The following ATP1B3 variants were observed in gnomAD, a reference collection of about 807,000 sequenced individuals.
ATP1B3 encodes the protein sodium/potassium-transporting ATPase subunit beta-3.
ATP1B3 carries 10 observed loss-of-function variants against 30.2 expected under a neutral mutation model. That is an observed-to-expected ratio of 0.33 (90% CI 0.20 to 0.56). The LOEUF (loss-of-function observed/expected upper bound fraction) is 0.56. Ranked by LOEUF, ATP1B3 falls within the 20% of genes least tolerant of loss-of-function variation. The pLI is 0.90. For missense variants in ATP1B3, 238 were observed against 336.7 expected (o/e 0.71, Z 2.29); for synonymous variants, 113 against 117.0 (o/e 0.97, Z 0.22).
chr3:141,910,748 G>C (rs181702284), intron 3 of ATP1B3, among the ~76,000 whole-genome samples: 4 of 150,870 alleles, frequency 2.7e-5, no homozygotes. Flanking sequence ...TCTTTAGTTG[G>C]ACCCACTGTT....
At chr3:141,922,285 C>A in intron 6 of ATP1B3, 1 of 365,538 alleles carries the variant, frequency 2.7e-6, no homozygotes. Flanking sequence ...ATGATTATTT[C>A]TAAAATATCA....
At position 141,925,807 on chromosome 3, in the gene ATP1B3, T is replaced by A; in HGVS notation, c.*106T>A. On this transcript the variant is annotated 3_prime_UTR_variant, in exon 7 of 7. Transcript: ENST00000286371. ...TATGAGACCACCTTGGAGAAAGGTG[T>A]GTGGTACATGACATTGGGTTACATC... 7.4e-7 allele frequency: 1 copy of A among 1,354,446 alleles called. No homozygotes were observed. Among genetic ancestry groups the A allele is most frequent in the Non-Finnish European group, 1.0e-6 (1 of 980,240 alleles). 83.9% of individuals were successfully genotyped at this position (1,354,446 alleles called of 1,614,324 possible).
intron 1 of ATP1B3, among the ~76,000 whole-genome samples, chr3:141,889,132 T>C (rs1445935170): frequency 2.0e-5 from 3 of 152,044 alleles, no homozygotes; most frequent in Non-Finnish European, 4.4e-5. Context: ...TCATGAGAAC[T>C]CATTATCACA....
intron 1 of ATP1B3, among the ~76,000 whole-genome samples, chr3:141,897,383 T>C (rs1030064022): frequency 1.3e-5 from 2 of 152,218 alleles, no homozygotes; most frequent in Admixed American, 6.5e-5. Context: ...TGAACTCTTG[T>C]AGAGAAGCAG....
intron 5 of ATP1B3, among the ~76,000 whole-genome samples, chr3:141,917,100 G>A (rs913819204): frequency 3.4e-5 from 5 of 148,518 alleles, no homozygotes; most frequent in East Asian, 2.0e-4. Flanking sequence ...TGATCTGCCC[G>A]CCTCGGCCTC....
At chr3:141,883,360 A>G (rs923488685) in intron 1 of ATP1B3, among the ~76,000 whole-genome samples, 7 of 152,094 alleles carry the variant, frequency 4.6e-5, no homozygotes, top group African/African-American at 1.7e-4. Flanking sequence ...GTGGTGGCGT[A>G]GTGAATTTTT....
chr3:141,911,834 G>A (rs1934366895), intron 3 of ATP1B3, among the ~76,000 whole-genome samples: 2 of 152,026 alleles, frequency 1.3e-5, no homozygotes, highest in African/African-American at 2.4e-5. Flanking sequence ...AGATGCATAG[G>A]GCTCCTTGGT....
At chr3:141,920,766 T>C (rs978105243) in intron 5 of ATP1B3, among the ~76,000 whole-genome samples, 12 of 152,174 alleles carry the variant, frequency 7.9e-5, no homozygotes, top group Admixed American at 4.6e-4. Flanking sequence ...AGAGTACAAA[T>C]GTAGGGTGGA....
At chr3:141,882,320 C>T (rs1933743026) in intron 1 of ATP1B3, among the ~76,000 whole-genome samples, 1 of 152,166 alleles carries the variant, frequency 6.6e-6, no homozygotes, top group African/African-American at 2.4e-5. Context: ...CTTAATATAA[C>T]CACTATTAAC....
At position 141,917,121 on chromosome 3, in the gene ATP1B3, G is replaced by A. The variant is rs549534187; in HGVS notation, c.582+1101G>A. ...GCCCGCCTCGGCCTCTCAAAGTGCT[G>A]GGATTACAGGCATGAGTCACCGCGC... On this transcript the variant is annotated intron_variant, in intron 5 of 6. Transcript: ENST00000286371. Among the ~76,000 whole-genome samples, 780 of 151,088 alleles carry A rather than the reference G, an allele frequency of 5.2e-3. 5 individuals are homozygous for A. Among genetic ancestry groups the A allele is most frequent in the African/African-American group, 0.018 (737 of 41,172 alleles).
chr3:141,904,369 G>A (rs1025066329), intron 2 of ATP1B3, among the ~76,000 whole-genome samples: 1 of 151,676 alleles, frequency 6.6e-6, no homozygotes, highest in Admixed American at 6.6e-5. Context: ...CACGTTTGAA[G>A]AATATAGTTA....
Position 141,876,686 on chromosome 3 carries a change from G to T in ATP1B3, c.-116G>T, listed in dbSNP as rs1933595265. ...CCGTAACGAGGAGGTGTTCTCGGCC[G>T]TCCCACCCTTCACTGCCGTCTCCGG... On this transcript the variant is annotated 5_prime_UTR_variant, in exon 1 of 7. Coordinates refer to ENST00000286371, the MANE Select transcript of ATP1B3 (RefSeq NM_001679.4). The T allele has an allele frequency of 1.4e-6, 1 of 705,904 alleles. No individual in the cohort carries two copies. Among genetic ancestry groups the T allele is most frequent in the Non-Finnish European group, 2.3e-6 (1 of 427,836 alleles). The allele number at this position is 705,904 out of a possible 1,614,324, so 43.7% of individuals were successfully genotyped here.
intron 1 of ATP1B3, among the ~76,000 whole-genome samples, chr3:141,891,337 A>G (rs564143928): frequency 9.2e-5 from 14 of 152,346 alleles, no homozygotes; most frequent in African/African-American, 3.4e-4. Context: ...CCATTAAGGT[A>G]ACTTACAGAG....
chr3:141,924,942 G>A (rs1474498719), intron 6 of ATP1B3, among the ~76,000 whole-genome samples: 2 of 151,558 alleles, frequency 1.3e-5, no homozygotes, highest in Non-Finnish European at 2.9e-5. Flanking sequence ...AACAGAGCAA[G>A]ACTCTGCCTC....
chr3:141,915,273 G>T (rs1016842291), intron 4 of ATP1B3, among the ~76,000 whole-genome samples: 1 of 152,250 alleles, frequency 6.6e-6, no homozygotes, highest in African/African-American at 2.4e-5. Flanking sequence ...AGCTTACGTA[G>T]TGTAGCAGGA....
At chr3:141,901,444 TAA>T (rs1934162153) in intron 1 of ATP1B3, among the ~76,000 whole-genome samples, 1 of 152,224 alleles carries the variant, frequency 6.6e-6, no homozygotes. Flanking sequence ...CTGACTAGTT[TAA>T]GTTTTTAAAA....
chr3:141,916,557 AAAT>A, intron 5 of ATP1B3: 1 of 1,288,160 alleles, frequency 7.8e-7, no homozygotes, highest in Non-Finnish European at 1.0e-6. Flanking sequence ...CCACTAAGAC[AAAT>A]AATGTAAAAG....
chr3:141,922,768 A>T (rs1934588151), intron 6 of ATP1B3, among the ~76,000 whole-genome samples: 1 of 151,296 alleles, frequency 6.6e-6, no homozygotes, highest in South Asian at 2.1e-4. Flanking sequence ...GATCAAGACC[A>T]TCCTGGCTAA....
intron 6 of ATP1B3, among the ~76,000 whole-genome samples, chr3:141,924,564 G>A (rs1276540458): frequency 2.0e-5 from 3 of 151,942 alleles, no homozygotes; most frequent in East Asian, 3.9e-4. Context: ...CAGGGGAATC[G>A]CTTGAACCTG....
Sources: gnomAD v4.1 joint callset for allele counts (sites outside exome capture counted in the v4.1 genomes callset) on GRCh38, gnomAD v4.1.1 for gene constraint, MANE v1.5 for transcripts, NCBI Gene and HGNC (gene_info 2026-07-23, HGNC 2026-07-21) for gene names.